The following DLGAP2 variants were observed in gnomAD, a reference collection of about 807,000 sequenced individuals.
DLGAP2 encodes the protein disks large-associated protein 2.
Under a neutral mutation model 100.3 loss-of-function variants are expected in DLGAP2, and 26 were observed. The ratio of observed to expected loss-of-function variants is 0.26; its 90% CI spans 0.19 to 0.36. The LOEUF (loss-of-function observed/expected upper bound fraction) is 0.36, where lower values mean the gene tolerates loss of function less well. Among genes scored for constraint, DLGAP2 ranks in the 10% least tolerant of loss-of-function variants. The pLI, the probability that DLGAP2 is intolerant of heterozygous loss-of-function variation, is 1.00. For synonymous variants in DLGAP2, 886 were observed against 630.1 expected (o/e 1.41, Z -6.08); for missense variants, 1,858 against 1,453.2 (o/e 1.28, Z -4.53).
chr8:1,440,432 G>A (rs1469880486), intron 3 of DLGAP2, among the ~76,000 whole-genome samples: 1 of 152,188 alleles, frequency 6.6e-6, no homozygotes, highest in African/African-American at 2.4e-5. Flanking sequence ...CAGGCACTCC[G>A]CTGCGAGTGC....
chr8:1,195,782 C>T (rs939160030), intron 2 of DLGAP2, among the ~76,000 whole-genome samples: 30 of 152,334 alleles, frequency 2.0e-4, no homozygotes, highest in African/African-American at 2.4e-4. Flanking sequence ...CAGGAGCTGA[C>T]CGTGTGGCGC....
At chr8:1,127,515 C>G (rs890020124) in intron 2 of DLGAP2, among the ~76,000 whole-genome samples, 2 of 152,154 alleles carry the variant, frequency 1.3e-5, no homozygotes, top group African/African-American at 2.4e-5. Context: ...CCAGGCTCAT[C>G]ATTTGGGGCA....
chr8:1,176,370 G>GAC (rs1797256147), intron 2 of DLGAP2, among the ~76,000 whole-genome samples: 1 of 152,094 alleles, frequency 6.6e-6, no homozygotes, highest in Admixed American at 6.5e-5. Context: ...TTTGGGTGGG[G>GAC]ACACAGAGCC....
At chr8:1,064,329 GCTGCAAGAGGTACACACAATTC>G in intron 2 of DLGAP2, among the ~76,000 whole-genome samples, 1 of 152,180 alleles carries the variant, frequency 6.6e-6, no homozygotes, top group East Asian at 1.9e-4. Flanking sequence ...GAAAAATATA[GCTGCAAGAGGTACACACAATTC>G]CTCAAATATG....
At chr8:846,321 A>G (rs904807568) in intron 1 of DLGAP2, among the ~76,000 whole-genome samples, 1 of 152,124 alleles carries the variant, frequency 6.6e-6, no homozygotes, top group African/African-American at 2.4e-5. Flanking sequence ...TCTGGTAACC[A>G]CAATTCTACT....
rs868201303 is a variant in DLGAP2 at position 1,221,707 on chromosome 8, G to C, written c.74-37144G>C. On this transcript the variant is annotated intron_variant, in intron 2 of 14. Coordinates refer to ENST00000637795, the MANE Select transcript of DLGAP2 (RefSeq NM_001346810.2). Reference sequence around the variant, plus strand: ...AAATATATTTTCCGAGTTGCTTGCTGTCACTCCACCTCTTTCAGCAATGTT... The same window carrying C: ...AAATATATTTTCCGAGTTGCTTGCTCTCACTCCACCTCTTTCAGCAATGTT... 3.0e-4 allele frequency among the ~76,000 whole-genome samples: 45 copies of C among 152,252 alleles called. No homozygotes were observed. In the Middle Eastern group the frequency reaches 0.01, roughly 35 times the overall value.
chr8:1,698,455 G>A (rs1228498223), intron 14 of DLGAP2, among the ~76,000 whole-genome samples: 1 of 151,970 alleles, frequency 6.6e-6, no homozygotes, highest in East Asian at 1.9e-4. Flanking sequence ...CGTAAGCCAT[G>A]CATGGGACAG....
intron 2 of DLGAP2, among the ~76,000 whole-genome samples, chr8:1,217,292 G>T (rs1223758156): frequency 6.6e-6 from 1 of 151,996 alleles, no homozygotes; most frequent in Non-Finnish European, 1.5e-5. Context: ...ATATGATCTT[G>T]TTTTTTTATG....
chr8:1,440,211 A>G (rs1039169749), intron 3 of DLGAP2, among the ~76,000 whole-genome samples: 5 of 152,368 alleles, frequency 3.3e-5, no homozygotes, highest in Admixed American at 6.5e-5. Flanking sequence ...TAAAACAGAC[A>G]TAGCCCTAAA....
intron 2 of DLGAP2, among the ~76,000 whole-genome samples, chr8:950,513 A>G (rs1302050453): frequency 6.6e-6 from 1 of 152,122 alleles, no homozygotes; most frequent in South Asian, 2.1e-4. Context: ...AAAATACAGC[A>G]CAGTTAGTAA....
chr8:1,491,777 T>C (rs1158881011), intron 3 of DLGAP2, among the ~76,000 whole-genome samples: 6 of 152,266 alleles, frequency 3.9e-5, no homozygotes, highest in Admixed American at 6.5e-5. Context: ...GCCTTTCTAC[T>C]TCAGCACTTT....
At chr8:966,701 CT>C (rs917528336) in intron 2 of DLGAP2, among the ~76,000 whole-genome samples, 15 of 152,270 alleles carry the variant, frequency 9.9e-5, no homozygotes, top group South Asian at 6.2e-4. Flanking sequence ...CTGGTGGAGT[CT>C]TTTACATCTG....
intron 8 of DLGAP2, among the ~76,000 whole-genome samples, chr8:1,636,406 AT>A (rs1797766651): frequency 6.6e-6 from 1 of 152,232 alleles, no homozygotes; most frequent in Admixed American, 6.5e-5. Context: ...TCAAGGGTAC[AT>A]AGTAATTCCA....
intron 5 of DLGAP2, among the ~76,000 whole-genome samples, chr8:1,554,580 C>G (rs1801892250): frequency 6.6e-6 from 1 of 152,148 alleles, no homozygotes; most frequent in Admixed American, 6.5e-5. Flanking sequence ...GCCTCCTGAG[C>G]CCGGGTCCTG....
chr8:1,562,737 A>G (rs1181329546), intron 5 of DLGAP2, among the ~76,000 whole-genome samples: 3 of 11,676 alleles, frequency 2.6e-4, no homozygotes, highest in Non-Finnish European at 2.8e-4. Context: ...TTACTGGGGG[A>G]CTGTGTGGTG....
intron 13 of DLGAP2, among the ~76,000 whole-genome samples, chr8:1,695,529 C>T (rs1277818504): frequency 1.4e-5 from 2 of 139,234 alleles, no homozygotes; most frequent in Non-Finnish European, 3.1e-5. Flanking sequence ...CACAGCCATG[C>T]CCGGCCCTAC....
chr8:1,234,766 C>G (rs1798607496), intron 2 of DLGAP2, among the ~76,000 whole-genome samples: 1 of 152,210 alleles, frequency 6.6e-6, no homozygotes, highest in African/African-American at 2.4e-5. Flanking sequence ...TAGGATCAAG[C>G]TGCCTCTGCC....
intron 4 of DLGAP2, among the ~76,000 whole-genome samples, chr8:1,501,886 C>G (rs1046929016): frequency 1.3e-5 from 2 of 152,162 alleles, no homozygotes; most frequent in East Asian, 3.9e-4. Flanking sequence ...AAGGGCCCTG[C>G]GAGAGGCTGC....
At position 1,028,516 on chromosome 8, in the gene DLGAP2, C is replaced by T. The variant is rs373585035; in HGVS notation, c.73+120550C>T. 2.0e-4 allele frequency among the ~76,000 whole-genome samples: 29 copies of T among 148,430 alleles called. 1 individual carries two copies. The highest frequency in any genetic ancestry group is 6.7e-4 in the African/African-American group (27 of 40,366). On this transcript the variant is annotated intron_variant, in intron 2 of 14. Transcript: ENST00000637795. Reference sequence around the variant, plus strand: ...CCAGGCGCCCGTTATTCTCCACATGCGGTGCCAGGCACCCGTTATTCTCCA... The same window carrying T: ...CCAGGCGCCCGTTATTCTCCACATGTGGTGCCAGGCACCCGTTATTCTCCA...
Sources: allele counts gnomAD v4.1 joint callset (sites outside exome capture counted in the v4.1 genomes callset), GRCh38; gene constraint gnomAD v4.1.1; transcripts MANE v1.5; gene names NCBI Gene and HGNC (gene_info 2026-07-23, HGNC 2026-07-21).